ATR: variants seen among roughly 807,000 people sequenced by gnomAD.
The protein encoded by ATR is ATR checkpoint kinase, also known as serine/threonine-protein kinase ATR.
A neutral mutation model predicts 305.3 loss-of-function variants in ATR; 142 were observed. The ratio of observed to expected loss-of-function variants is 0.47; its 90% CI spans 0.41 to 0.53. ATR has a LOEUF of 0.53. Among genes scored for constraint, ATR ranks in the 20% least tolerant of loss-of-function variants. The pLI is 0.00. For missense variants in ATR, 2,135 were observed against 3,133.1 expected (o/e 0.68, Z 7.60); for synonymous variants, 1,050 against 1,068.1 (o/e 0.98, Z 0.33).
At chr3:142,481,659 T>C (rs1269046442) in intron 36 of ATR, among the ~76,000 whole-genome samples, 1 of 152,088 alleles carries the variant, frequency 6.6e-6, no homozygotes, top group Non-Finnish European at 1.5e-5. Flanking sequence ...CTGGCTGATT[T>C]ATTTATTTTT....
rs765465161 is a variant in ATR, at chr3:142,542,735, A to G, written c.3380T>C (p.Leu1127Ser). 7 of 1,612,826 alleles carry G rather than the reference A, an allele frequency of 4.3e-6. No individual in the cohort carries two copies. The African/African-American group carries it at 9.3e-5, about 22-fold the overall frequency. ...GTTAAAAAAAGCCAAAATGCCCAAC[A>G]ATTTGGGTTGTAAATAATCAGCCTA... ...ELMADYLQPK[L>S]LGILAFFNMQ... The change falls in exon 17 of 47, where the codon TTG becomes TCG. Residue 1127 changes from leucine to serine, a missense_variant. Coordinates refer to ENST00000350721, the MANE Select transcript of ATR (RefSeq NM_001184.4).
chr3:142,524,154 T>C lies in ATR; in HGVS notation c.3991A>G (p.Ile1331Val), dbSNP rs748613910. 2.0e-5 allele frequency: 33 copies of C among 1,613,952 alleles called. No individual in the cohort carries two copies. The South Asian group carries it at 2.4e-4, about 12-fold the overall frequency. The change falls in exon 22 of 47, where the codon ATT becomes GTT. Residue 1331 changes from isoleucine to valine, a missense_variant. Physicochemically the swap from Ile to Val is conservative, Grantham distance 29 (BLOSUM62 3). Transcript: ENST00000350721. ...AGCACTGTCACCAACTGTGAGATAA[T>C]AGGTTCTACTGTTTCACTGTCTGTT... ...YATDSETVEP[I>V]ISQLVTVLLK...
chr3:142,481,619 T>G (rs374970678), intron 36 of ATR, among the ~76,000 whole-genome samples: 2 of 152,162 alleles, frequency 1.3e-5, no homozygotes, highest in Non-Finnish European at 2.9e-5. Flanking sequence ...GCCTCCCACA[T>G]AGCTGGGACC....
chr3:142,482,271 G>T (rs1196886049), intron 36 of ATR, among the ~76,000 whole-genome samples: 3 of 152,094 alleles, frequency 2.0e-5, no homozygotes, highest in South Asian at 2.1e-4. Flanking sequence ...TCAGTCAGGG[G>T]ATAAATATGT....
At chr3:142,556,319 A>C in intron 9 of ATR, 64 bp downstream of exon 9, 1 of 1,552,016 alleles carries the variant, frequency 6.4e-7, no homozygotes, top group African/African-American at 1.4e-5. Context: ...CCCTGCATAC[A>C]TAGCCAGACA....
At chr3:142,465,009 A>G (rs2071095660) in intron 41 of ATR, 88 bp downstream of exon 41, 4 of 890,854 alleles carry the variant, frequency 4.5e-6, no homozygotes, top group Non-Finnish European at 6.0e-6. Context: ...AGCAACTCTG[A>G]AATAAAAGCA....
At chr3:142,492,112 GT>G (rs1170425823) in intron 35 of ATR, among the ~76,000 whole-genome samples, 2 of 152,162 alleles carry the variant, frequency 1.3e-5, no homozygotes, top group African/African-American at 4.8e-5. Context: ...GAAGATCAGT[GT>G]AATCATCTTA....
At position 142,553,397 on chromosome 3, in the gene ATR, C is replaced by A. The variant is rs1276538701; in HGVS notation, c.2635G>T (p.Ala879Ser). ...LILTTGDIGR[A>S]AKGDLVPFAL... The stretch of plus-strand genomic sequence containing the variant: ...AATGGTACCAAATCTCCTTTTGCGG[C>A]CCTAAAATTAAAAACAACATACATA... Residue 879 changes from alanine (A) to serine (S), a missense_variant and splice_region_variant, in exon 13 of 47, where the codon GCC becomes TCC. Transcript: ENST00000350721. The A allele has an allele frequency of 1.2e-6, 2 of 1,613,036 alleles. No individual in the cohort carries two copies. Among genetic ancestry groups the A allele is most frequent in the Admixed American group, 3.3e-5 (2 of 59,918 alleles).
At chr3:142,522,103 A>G (rs2033170244) in intron 23 of ATR, among the ~76,000 whole-genome samples, 1 of 152,242 alleles carries the variant, frequency 6.6e-6, no homozygotes, top group African/African-American at 2.4e-5. Context: ...GTAATTAATC[A>G]GCATCATCAA....
In ATR at chr3:142,512,330, G is replaced by T; in HGVS notation, c.4782C>A (p.His1594Gln). Residue 1594 changes from histidine (H) to glutamine (Q), a missense_variant, in exon 27 of 47, where the codon CAC becomes CAA. Transcript: ENST00000350721. The stretch of plus-strand genomic sequence containing the variant: ...TCTCAGCTTTCAGTGCCTGAAATTT[G>T]TGCCTTGCCCACTGTGTGAGATGGT... ...MLDHLTQWARHKFQALKAEKC... is the reference protein window; with the variant it reads ...MLDHLTQWARQKFQALKAEKC... 1 of 1,610,298 alleles carries T rather than the reference G, an allele frequency of 6.2e-7. No individual in the cohort carries two copies. Among genetic ancestry groups the T allele is most frequent in the Non-Finnish European group, 8.5e-7 (1 of 1,178,128 alleles).
chr3:142,493,076 A>C, intron 35 of ATR, 56 bp downstream of exon 35: 1 of 1,579,618 alleles, frequency 6.3e-7, no homozygotes, highest in Non-Finnish European at 8.6e-7. Context: ...ATATAGACTT[A>C]AGTCATTTTA....
Position 142,556,149 on chromosome 3 carries a change from A to G in ATR, c.2079-10T>C, listed in dbSNP as rs1205430089. ...ATCTTTGACTTTATCTCTGGGGAAA[A>G]AAAAGAAAAAGTACTAAACTTTCTT... On this transcript the variant is annotated splice_polypyrimidine_tract_variant and intron_variant, in intron 9 of 46. Coordinates refer to ENST00000350721, the MANE Select transcript of ATR (RefSeq NM_001184.4). 6.2e-7 allele frequency: 1 copy of G among 1,612,380 alleles called. No homozygotes were observed. The highest frequency in any genetic ancestry group is 8.5e-7 in the Non-Finnish European group (1 of 1,179,476).
intron 46 of ATR, chr3:142,451,115 C>T: frequency 7.9e-7 from 1 of 1,265,186 alleles, no homozygotes; most frequent in Non-Finnish European, 1.0e-6. Flanking sequence ...GCCCCTGCTG[C>T]TCAGGTGTAA....
Position 142,560,413 on chromosome 3 carries a change from C to T in ATR, c.1391G>A (p.Ser464Asn). 6.2e-7 allele frequency: 1 copy of T among 1,613,576 alleles called. No individual in the cohort carries two copies. Among genetic ancestry groups the T allele is most frequent in the South Asian group, 1.1e-5 (1 of 91,066 alleles). ...VDMNQKSILW[S>N]ALKQKAESLQ... is the part of the protein sequence containing the mutation. Reference sequence around the variant, plus strand: ...GGATTCAGCTTTCTGTTTCAGTGCACTCCATAATATGCTCTTTTGGTTCAT... The same window carrying T: ...GGATTCAGCTTTCTGTTTCAGTGCATTCCATAATATGCTCTTTTGGTTCAT... The change falls in exon 6 of 47, where the codon AGT (serine) becomes AAT (asparagine). Residue 464 changes from serine to asparagine, a missense_variant. Around this residue, in one of 9 missense-constraint regions of ATR, gnomAD observed 744 missense variants for 873.2 expected, o/e 0.85. Coordinates refer to ENST00000350721, the MANE Select transcript of ATR (RefSeq NM_001184.4).
intron 4 of ATR, among the ~76,000 whole-genome samples, 163 bp from the exon 5 acceptor site, chr3:142,561,584 T>C (rs888182892): frequency 3.3e-5 from 5 of 152,152 alleles, no homozygotes; most frequent in Admixed American, 2.0e-4. Context: ...ATTATTTAAG[T>C]CTATATATAG....
At chr3:142,463,016 C>G (rs1296091188) in intron 41 of ATR, among the ~76,000 whole-genome samples, 1 of 152,122 alleles carries the variant, frequency 6.6e-6, no homozygotes, top group African/African-American at 2.4e-5. Flanking sequence ...TTCAAAAGCA[C>G]AATCACTGAT....
chr3:142,491,754 G>A (rs2031291165), intron 35 of ATR, among the ~76,000 whole-genome samples: 1 of 152,160 alleles, frequency 6.6e-6, no homozygotes, highest in Admixed American at 6.5e-5. Context: ...AACACTTCCT[G>A]GATCTAAAGA....
chr3:142,507,648 T>G (rs1340656312), intron 28 of ATR, among the ~76,000 whole-genome samples: 1 of 152,164 alleles, frequency 6.6e-6, no homozygotes, highest in East Asian at 1.9e-4. Context: ...CTCCCTATAC[T>G]GCTCATTTTT....
At chr3:142,531,304 T>G (rs2033630540) in intron 21 of ATR, among the ~76,000 whole-genome samples, 1 of 152,144 alleles carries the variant, frequency 6.6e-6, no homozygotes, top group Non-Finnish European at 1.5e-5. Context: ...GTACACAACG[T>G]GCAGGTTTGT....
Sources: allele counts gnomAD v4.1 joint callset (sites outside exome capture counted in the v4.1 genomes callset), GRCh38; gene constraint gnomAD v4.1.1; regional missense constraint gnomAD v4.1.1; transcripts MANE v1.5; gene names NCBI Gene and HGNC (gene_info 2026-07-23, HGNC 2026-07-21).